RPRD1B: variants seen among roughly 807,000 people sequenced by gnomAD.
RPRD1B encodes regulation of nuclear pre-mRNA domain containing 1B.
A neutral mutation model predicts 41.5 loss-of-function variants in RPRD1B; 11 were observed. The observed-to-expected ratio is 0.27, with a 90% CI of 0.17 to 0.44. RPRD1B has a LOEUF of 0.44. RPRD1B is among the 20% of genes least tolerant of loss of function. The pLI is 1.00. For synonymous variants in RPRD1B, 158 were observed against 155.6 expected, an observed-to-expected ratio of 1.02 and a Z score of -0.12; for missense variants, 248 against 389.9, an observed-to-expected ratio of 0.64 and a Z score of 3.06.
chr20:38,048,506 A>G lies in RPRD1B; in HGVS notation c.415+25A>G, dbSNP rs751653235. Reference sequence around the variant, plus strand: ...GGTAGAAACATCACCACATGTTTACAGCTCTTGGTCTTTGCCTACTTTCGA... The same window carrying G: ...GGTAGAAACATCACCACATGTTTACGGCTCTTGGTCTTTGCCTACTTTCGA... On this transcript the variant is annotated intron_variant, in intron 3 of 6. Transcript: ENST00000373433. The G allele has an allele frequency of 5.7e-6, 9 of 1,580,660 alleles. No individual in the cohort carries two copies. The Middle Eastern group carries it at 5.0e-4, about 89-fold the overall frequency.
chr20:38,075,308 GATT>G lies in RPRD1B; in HGVS notation c.831+9054_831+9056del, dbSNP rs575854826. On this transcript the variant is annotated intron_variant, in intron 6 of 6. Transcript: ENST00000373433. Reference sequence around the variant, plus strand: ...TGTATAAACCTCTATACAAGTTAAGGATTAGTCTTTTGTTTTATGAAGGAGTAA... The same window carrying G: ...TGTATAAACCTCTATACAAGTTAAGGAGTCTTTTGTTTTATGAAGGAGTAA... Among the ~76,000 whole-genome samples, 12 of 152,310 alleles carry G rather than the reference GATT, an allele frequency of 7.9e-5. No homozygotes were observed. The South Asian group carries it at 2.5e-3, about 32-fold the overall frequency.
At chr20:38,079,829 A>G (rs1480121343) in intron 6 of RPRD1B, among the ~76,000 whole-genome samples, 1 of 152,184 alleles carries the variant, frequency 6.6e-6, no homozygotes, top group Non-Finnish European at 1.5e-5. Context: ...GAACTAATTT[A>G]CATTCTCACT....
chr20:38,091,156 C>G lies in RPRD1B; in HGVS notation c.*1281C>G. 1 of 985,742 alleles carries G rather than the reference C, an allele frequency of 1.0e-6. No individual in the cohort carries two copies. The highest frequency in any genetic ancestry group is 1.2e-6 in the Non-Finnish European group (1 of 829,922). 61.1% of individuals were successfully genotyped at this position (985,742 alleles called of 1,614,324 possible). ...GGCTTATTTTTGACATTGGAAAGGG[C>G]AGAAAGCGATTTGCCCCAGTAGTGT... On this transcript the variant is annotated 3_prime_UTR_variant, in exon 7 of 7. Transcript: ENST00000373433.
At chr20:38,052,398 A>T (rs1334455270) in intron 3 of RPRD1B, among the ~76,000 whole-genome samples, 1 of 152,164 alleles carries the variant, frequency 6.6e-6, no homozygotes, top group Non-Finnish European at 1.5e-5. Flanking sequence ...TTATGCCTGG[A>T]TTTGGCTACT....
chr20:38,086,572 C>G (rs2074562946), intron 6 of RPRD1B, among the ~76,000 whole-genome samples: 1 of 151,940 alleles, frequency 6.6e-6, no homozygotes, highest in Admixed American at 6.5e-5. Flanking sequence ...TGGCCTCAAG[C>G]AGTCTGTCTG....
chr20:38,081,875 A>T (rs904833745), intron 6 of RPRD1B, among the ~76,000 whole-genome samples: 20 of 152,220 alleles, frequency 1.3e-4, no homozygotes, highest in Admixed American at 6.5e-5. Context: ...TATTTTGCAT[A>T]TGCTGAACCA....
At position 38,090,416 on chromosome 20, in the gene RPRD1B, C is replaced by T; in HGVS notation, c.*541C>T. The T allele has an allele frequency of 1.0e-6, 1 of 986,120 alleles. No homozygotes were observed. The highest frequency in any genetic ancestry group is 1.2e-6 in the Non-Finnish European group (1 of 830,142). 61.1% of individuals were successfully genotyped at this position (986,120 alleles called of 1,614,324 possible). A position where few individuals can be genotyped will look rare whatever the true frequency, so the allele number is the denominator to read the frequency against. On this transcript the variant is annotated 3_prime_UTR_variant, in exon 7 of 7. Coordinates refer to ENST00000373433, the MANE Select transcript of RPRD1B (RefSeq NM_021215.4). ...AGAGTTTGCCAAATCTCTGATCCTC[C>T]CTTTCCATTGCTTCTCCTAGTGATG...
chr20:38,044,833 C>T (rs1387444155), intron 2 of RPRD1B, among the ~76,000 whole-genome samples: 1 of 152,162 alleles, frequency 6.6e-6, no homozygotes, highest in Admixed American at 6.5e-5. Context: ...CCTTTCTGAA[C>T]CAGCTTTACA....
chr20:38,078,159 G>A (rs1339888653), intron 6 of RPRD1B, among the ~76,000 whole-genome samples: 1 of 150,156 alleles, frequency 6.7e-6, no homozygotes, highest in African/African-American at 2.5e-5. Flanking sequence ...CAGAGTGCAG[G>A]CTGTCTCAAA....
chr20:38,084,786 G>A (rs1406391139), intron 6 of RPRD1B, among the ~76,000 whole-genome samples: 1 of 152,166 alleles, frequency 6.6e-6, no homozygotes, highest in Non-Finnish European at 1.5e-5. Context: ...GCTTTGCCAA[G>A]AGCATAAATC....
chr20:38,090,799 A>T lies in RPRD1B; in HGVS notation c.*924A>T. On this transcript the variant is annotated 3_prime_UTR_variant, in exon 7 of 7. Transcript: ENST00000373433. ...ACCCTTTCTTCTGGGAGTAGGGTACACACTAACGTTTAATCCGCTGTCTGG... is the reference window on the plus strand; with the variant it reads ...ACCCTTTCTTCTGGGAGTAGGGTACTCACTAACGTTTAATCCGCTGTCTGG... The T allele has an allele frequency of 2.0e-6, 2 of 985,432 alleles. No homozygotes were observed. Among genetic ancestry groups the T allele is most frequent in the Non-Finnish European group, 2.4e-6 (2 of 829,918 alleles). 61.0% of individuals were successfully genotyped at this position (985,432 alleles called of 1,614,324 possible).
intron 5 of RPRD1B, among the ~76,000 whole-genome samples, chr20:38,063,515 A>G (rs892579524): frequency 8.5e-5 from 13 of 152,126 alleles, no homozygotes; most frequent in Non-Finnish European, 1.6e-4. Flanking sequence ...TCAGGAGGAG[A>G]GCAGGTGGCT....
intron 6 of RPRD1B, among the ~76,000 whole-genome samples, chr20:38,081,644 A>G (rs1027491870): frequency 6.6e-6 from 1 of 152,146 alleles, no homozygotes; most frequent in Non-Finnish European, 1.5e-5. Context: ...CTCAAGGGAA[A>G]TGCTTCCAGC....
intron 5 of RPRD1B, 102 bp from the exon 6 acceptor site, chr20:38,065,979 T>C (rs930252949): frequency 8.7e-7 from 1 of 1,146,000 alleles, no homozygotes; most frequent in South Asian, 1.5e-5. Context: ...TCTCAGACTC[T>C]GTATATTGGG....
At position 38,089,982 on chromosome 20, in the gene RPRD1B, G is replaced by GC; in HGVS notation, c.*113dup. 2.7e-6 allele frequency: 4 copies of GC among 1,491,668 alleles called. No individual in the cohort carries two copies. The highest frequency in any genetic ancestry group is 2.7e-6 in the Non-Finnish European group (3 of 1,125,288). 92.4% of individuals were successfully genotyped at this position (1,491,668 alleles called of 1,614,324 possible). A position where few individuals can be genotyped will look rare whatever the true frequency, so the allele number is the denominator to read the frequency against. ...CTGGTTCTATCCCTTCTTCCGCCCAGCCCCCCAGCCTCAAGAAAGAACCTC... is the reference window on the plus strand; with the variant it reads ...CTGGTTCTATCCCTTCTTCCGCCCAGCCCCCCCAGCCTCAAGAAAGAACCTC... On this transcript the variant is annotated 3_prime_UTR_variant, in exon 7 of 7. Transcript: ENST00000373433.
chr20:38,033,746 G>T lies in RPRD1B; in HGVS notation c.-202G>T. ...CCTCGCTCTCGCGGCAGGGTGAGAG[G>T]TCGGGTGGCCATCTTGTGGCGGCGG... On this transcript the variant is annotated 5_prime_UTR_variant, in exon 1 of 7. Transcript: ENST00000373433. 1 of 567,976 alleles carries T rather than the reference G, an allele frequency of 1.8e-6. No homozygotes were observed. The highest frequency in any genetic ancestry group is 3.1e-6 in the Non-Finnish European group (1 of 323,830). The allele number at this position is 567,976 out of a possible 1,614,324, so 35.2% of individuals were successfully genotyped here.
chr20:38,064,604 G>A (rs1600418285), intron 5 of RPRD1B, among the ~76,000 whole-genome samples: 1 of 152,228 alleles, frequency 6.6e-6, no homozygotes, highest in Middle Eastern at 3.4e-3. Flanking sequence ...TCAGTTCTTT[G>A]TAAATACAGA....
At chr20:38,085,374 A>G (rs1357018201) in intron 6 of RPRD1B, 1 of 152,230 alleles carries the variant, frequency 6.6e-6, no homozygotes, top group Non-Finnish European at 1.5e-5. Context: ...ATACAGGACT[A>G]AAGTATAGTC....
rs1884939197 is a variant in RPRD1B, at chr20:38,092,269, A to G, written c.*2394A>G. On this transcript the variant is annotated 3_prime_UTR_variant, in exon 7 of 7. Transcript: ENST00000373433. Reference sequence around the variant, plus strand: ...GCTTAAATTTGTATATTAATTTAGGACTATTTAGAAGTATAGGCTGTCGTT... The same window carrying G: ...GCTTAAATTTGTATATTAATTTAGGGCTATTTAGAAGTATAGGCTGTCGTT... The G allele has an allele frequency of 3.0e-6, 3 of 984,612 alleles. No homozygotes were observed. The highest frequency in any genetic ancestry group is 3.6e-6 in the Non-Finnish European group (3 of 828,760). The allele number at this position is 984,612 out of a possible 1,614,324, so 61.0% of individuals were successfully genotyped here.
Sources: gnomAD v4.1 joint callset for allele counts (sites outside exome capture counted in the v4.1 genomes callset) on GRCh38, gnomAD v4.1.1 for gene constraint, MANE v1.5 for transcripts, NCBI Gene and HGNC (gene_info 2026-07-23, HGNC 2026-07-21) for gene names.